The following COL19A1 variants were observed in gnomAD, a reference collection of about 807,000 sequenced individuals.
COL19A1 encodes the protein collagen alpha-1(XIX) chain.
A neutral mutation model predicts 190.2 loss-of-function variants in COL19A1; 159 were observed. That is an observed-to-expected ratio of 0.84 (90% confidence interval 0.73 to 0.95). The LOEUF is 0.95. Among genes scored for constraint, COL19A1 ranks in the 40% least tolerant of loss-of-function variants. The pLI is 0.00. For missense variants in COL19A1, 1,418 were observed against 1,431.9 expected (o/e 0.99, Z 0.16); for synonymous variants, 509 against 458.9 (o/e 1.11, Z -1.39).
chr6:69,909,332 G>A (rs1428680641), intron 4 of COL19A1, among the ~76,000 whole-genome samples: 3 of 152,070 alleles, frequency 2.0e-5, no homozygotes, highest in African/African-American at 7.2e-5. Context: ...TCTAGGGAGT[G>A]TGTGATATCT....
At chr6:70,162,084 T>A in intron 35 of COL19A1, 131 bp downstream of exon 35, 1 of 730,252 alleles carries the variant, frequency 1.4e-6, no homozygotes, top group Non-Finnish European at 2.1e-6. Flanking sequence ...CCTGGAAAAG[T>A]AGCCTCATCC....
At chr6:69,924,999 G>A (rs1026285404) in intron 4 of COL19A1, among the ~76,000 whole-genome samples, 1 of 152,156 alleles carries the variant, frequency 6.6e-6, no homozygotes, top group Non-Finnish European at 1.5e-5. Context: ...TTTGTTAGAT[G>A]AGTAGATTGC....
At chr6:69,883,229 A>G (rs779319323) in intron 2 of COL19A1, among the ~76,000 whole-genome samples, 1 of 152,192 alleles carries the variant, frequency 6.6e-6, no homozygotes, top group Non-Finnish European at 1.5e-5. Flanking sequence ...GTGAGGGTAC[A>G]TGCTCCTGAG....
intron 4 of COL19A1, among the ~76,000 whole-genome samples, chr6:69,904,872 G>A (rs542423453): frequency 3.3e-4 from 51 of 152,274 alleles, no homozygotes; most frequent in African/African-American, 1.2e-3. Flanking sequence ...GTGCTGGGAT[G>A]TCCCTTACCT....
chr6:70,002,756 C>A (rs1208156736), intron 11 of COL19A1, among the ~76,000 whole-genome samples: 1 of 146,378 alleles, frequency 6.8e-6, no homozygotes, highest in Non-Finnish European at 1.5e-5. Flanking sequence ...ATTCTTCTCT[C>A]TTTTCTTCTT....
intron 27 of COL19A1, among the ~76,000 whole-genome samples, chr6:70,147,161 A>G (rs1231338387): frequency 6.6e-6 from 1 of 152,184 alleles, no homozygotes; most frequent in African/African-American, 2.4e-5. Flanking sequence ...TCTATATATT[A>G]AAAAGCACAA....
chr6:69,951,840 A>G (rs759274061), intron 9 of COL19A1, among the ~76,000 whole-genome samples: 1 of 151,856 alleles, frequency 6.6e-6, no homozygotes, highest in South Asian at 2.1e-4. Flanking sequence ...AACTTCCCCT[A>G]ACTTGGTACG....
Position 70,207,218 on chromosome 6 carries a change from C to A in COL19A1, c.3373C>A (p.Pro1125Thr), listed in dbSNP as rs143391424. Residue 1125 changes from proline to threonine, a missense_variant, in exon 51 of 51, where the codon CCA (proline) becomes ACA (threonine). Pro to Thr is a conservative substitution (Grantham distance 38). Transcript: ENST00000620364. ...GPPGPSGRCNPEDCLYPVSHA... is the reference protein window; with the variant it reads ...GPPGPSGRCNTEDCLYPVSHA... Reference sequence around the variant, plus strand: ...CCCAGGACCCAGTGGAAGATGTAACCCAGAAGATTGCCTCTATCCTGTGTC... The same window carrying A: ...CCCAGGACCCAGTGGAAGATGTAACACAGAAGATTGCCTCTATCCTGTGTC... 837 of 1,614,024 alleles carry A rather than the reference C, an allele frequency of 5.2e-4. 1 individual carries two copies. The highest frequency in any genetic ancestry group is 3.3e-3 in the Middle Eastern group (20 of 6,054).
At chr6:69,871,709 T>A (rs1767834060) in intron 1 of COL19A1, among the ~76,000 whole-genome samples, 1 of 152,194 alleles carries the variant, frequency 6.6e-6, no homozygotes, top group South Asian at 2.1e-4. Context: ...GTTAGATGGC[T>A]TAACAGTAAA....
intron 14 of COL19A1, among the ~76,000 whole-genome samples, chr6:70,058,784 T>TA (rs1027556226): frequency 6.6e-6 from 1 of 151,634 alleles, no homozygotes; most frequent in Non-Finnish European, 1.5e-5. Flanking sequence ...CTCTAGAGGT[T>TA]AAAAAAAATT....
intron 4 of COL19A1, among the ~76,000 whole-genome samples, chr6:69,921,254 A>G (rs1401513978): frequency 1.5e-5 from 2 of 129,478 alleles, no homozygotes; most frequent in South Asian, 2.3e-4. Flanking sequence ...TATGTCATAT[A>G]TCATATCATA....
At chr6:69,962,615 A>T (rs1385264396) in intron 10 of COL19A1, among the ~76,000 whole-genome samples, 1 of 152,220 alleles carries the variant, frequency 6.6e-6, no homozygotes, top group Non-Finnish European at 1.5e-5. Context: ...GGAAGTGGTG[A>T]AGCTGTAACT....
intron 4 of COL19A1, among the ~76,000 whole-genome samples, chr6:69,914,113 T>C (rs1048210926): frequency 6.6e-6 from 1 of 152,218 alleles, no homozygotes; most frequent in South Asian, 2.1e-4. Context: ...GGAAGTCGTT[T>C]ACAATGCCAC....
chr6:69,912,219 T>C (rs1770979716), intron 4 of COL19A1, among the ~76,000 whole-genome samples: 2 of 152,312 alleles, frequency 1.3e-5, no homozygotes, highest in South Asian at 4.1e-4. Context: ...GTTTCCTTCT[T>C]TTTTTGGTGG....
intron 12 of COL19A1, among the ~76,000 whole-genome samples, chr6:70,024,840 A>G (rs1442068744): frequency 1.3e-5 from 2 of 152,102 alleles, no homozygotes; most frequent in Non-Finnish European, 2.9e-5. Flanking sequence ...ATACATCAGG[A>G]CACTGAATGT....
chr6:70,055,939 T>C (rs1780482093), intron 14 of COL19A1, among the ~76,000 whole-genome samples: 1 of 152,116 alleles, frequency 6.6e-6, no homozygotes, highest in Non-Finnish European at 1.5e-5. Flanking sequence ...TTCCCTGTTA[T>C]TGCCTTCCAT....
chr6:69,976,574 G>A (rs559431798), intron 11 of COL19A1, among the ~76,000 whole-genome samples: 39 of 152,106 alleles, frequency 2.6e-4, no homozygotes, highest in African/African-American at 9.2e-4. Context: ...CCTAGGAGAA[G>A]GAGGGGAGTT....
chr6:69,881,273 T>C (rs1309123905), intron 2 of COL19A1, among the ~76,000 whole-genome samples: 1 of 152,226 alleles, frequency 6.6e-6, no homozygotes, highest in Non-Finnish European at 1.5e-5. Context: ...TTTTCTTTTT[T>C]CTTTTCACCT....
intron 4 of COL19A1, among the ~76,000 whole-genome samples, chr6:69,917,014 A>G (rs1235582162): frequency 6.6e-6 from 1 of 152,214 alleles, no homozygotes; most frequent in Non-Finnish European, 1.5e-5. Context: ...CTAAATTACT[A>G]TCAAAGTCCC....
Sources: gnomAD v4.1 joint callset for allele counts (sites outside exome capture counted in the v4.1 genomes callset) on GRCh38, gnomAD v4.1.1 for gene constraint, MANE v1.5 for transcripts, NCBI Gene and HGNC (gene_info 2026-07-23, HGNC 2026-07-21) for gene names.